NIBAN1: variants seen among roughly 807,000 people sequenced by gnomAD.
NIBAN1 encodes protein Niban 1.
A neutral mutation model predicts 75.1 loss-of-function variants in NIBAN1; 81 were observed. The ratio of observed to expected loss-of-function variants is 1.08; its 90% confidence interval spans 0.90 to 1.30. The LOEUF (loss-of-function observed/expected upper bound fraction) is 1.30. Among genes scored for constraint, NIBAN1 ranks in the 50% most tolerant of loss-of-function variants. The probability of loss-of-function intolerance (pLI) is 0.00; values close to 1 mark genes in which losing one functional copy is unlikely to be tolerated. For missense variants in NIBAN1, 1,133 were observed against 1,128.1 expected (o/e 1.00, Z -0.06); for synonymous variants, 436 against 424.8 (o/e 1.03, Z -0.32).
intron 1 of NIBAN1, among the ~76,000 whole-genome samples, chr1:184,947,085 A>G (rs1658245488): frequency 6.7e-6 from 1 of 149,512 alleles, no homozygotes; most frequent in African/African-American, 2.5e-5. Context: ...AAAAGAAAAG[A>G]AAAGAAAAGA....
intron 1 of NIBAN1, among the ~76,000 whole-genome samples, chr1:184,930,994 CTTCTTTTTTT>C (rs1327623743): frequency 1.7e-5 from 1 of 57,274 alleles, no homozygotes; most frequent in Admixed American, 1.5e-4. Context: ...ACTTTTTCTT[CTTCTTTTTTT>C]TTTTTTTTTT....
rs181770179 is a variant in NIBAN1, at chr1:184,815,280, C to T, written c.1173+3358G>A. On this transcript the variant is annotated intron_variant, in intron 9 of 13. Transcript: ENST00000367511. ...TTTTTATGGTTCACTGAGGACAATC[C>T]CTTCATAATCTAGAACCTGAAGATT... Among the ~76,000 whole-genome samples, 4 of 152,254 alleles carry T rather than the reference C, an allele frequency of 2.6e-5. No homozygotes were observed. The East Asian group carries it at 7.7e-4, about 29-fold the overall frequency.
Position 184,791,906 on chromosome 1 carries a change from T to C in NIBAN1, c.*3071A>G, listed in dbSNP as rs1653706173. ...AAGACAGAGTATTTTAAATGCACTC[T>C]AGTTTCCTGTTCCATCTTCAAATTA... On this transcript the variant is annotated 3_prime_UTR_variant, in exon 14 of 14. Transcript: ENST00000367511. 1 of 152,194 alleles carries C rather than the reference T, an allele frequency of 6.6e-6. No individual in the cohort carries two copies. The highest frequency in any genetic ancestry group is 2.4e-5 in the African/African-American group (1 of 41,454). The allele number at this position is 152,194 out of a possible 1,614,324, so 9.4% of individuals were successfully genotyped here.
intron 5 of NIBAN1, among the ~76,000 whole-genome samples, chr1:184,876,047 C>T (rs1459981717): frequency 6.6e-6 from 1 of 151,940 alleles, no homozygotes; most frequent in Non-Finnish European, 1.5e-5. Flanking sequence ...GTGGCGCATG[C>T]CTGTAATCCC....
Position 184,795,796 on chromosome 1 carries a change from A to G in NIBAN1, c.1968T>C (p.Ile656=), listed in dbSNP as rs764126157. ...SPPPDGTEQV[I]ISRVDDPVVN... is the part of the protein sequence containing the mutation. The stretch of plus-strand genomic sequence containing the variant: ...CCACGGGGTCATCCACTCTTGAAAT[A>G]ATCACCTGCTCAGTCCCATCTGGGG... Residue 656 remains isoleucine (I), a synonymous_variant, in exon 14 of 14, where the codon ATT becomes ATC. Coordinates refer to ENST00000367511, the MANE Select transcript of NIBAN1 (RefSeq NM_052966.4). 5 of 1,610,868 alleles carry G rather than the reference A, an allele frequency of 3.1e-6. No homozygotes were observed. The Admixed American group carries it at 6.7e-5, about 22-fold the overall frequency.
At chr1:184,884,543 A>G in intron 5 of NIBAN1, 90 bp downstream of exon 5, 1 of 1,526,498 alleles carries the variant, frequency 6.6e-7, no homozygotes, top group Non-Finnish European at 8.9e-7. Flanking sequence ...GCTCTTTCTA[A>G]GAATCACTGC....
Position 184,808,158 on chromosome 1 carries a change from G to T in NIBAN1, c.1251C>A (p.His417Gln). The T allele has an allele frequency of 1.2e-6, 2 of 1,614,064 alleles. No individual in the cohort carries two copies. The highest frequency in any genetic ancestry group is 1.7e-6 in the Non-Finnish European group (2 of 1,179,976). Residue 417 changes from histidine (H) to glutamine (Q), a missense_variant, in exon 10 of 14, where the codon CAC becomes CAA. Transcript: ENST00000367511. ...EPCYTKVNLLHERLQDLKSRF... is the reference protein window; with the variant it reads ...EPCYTKVNLLQERLQDLKSRF... Reference sequence around the variant, plus strand: ...GGCTCTTGAGATCCTGCAGGCGCTCGTGAAGCAGGTTGACTTTAGTATAAC... The same window carrying T: ...GGCTCTTGAGATCCTGCAGGCGCTCTTGAAGCAGGTTGACTTTAGTATAAC...
intron 1 of NIBAN1, among the ~76,000 whole-genome samples, chr1:184,973,732 G>T (rs1658995159): frequency 6.6e-6 from 1 of 152,146 alleles, no homozygotes; most frequent in South Asian, 2.1e-4. Context: ...CTTTTGCTTC[G>T]CCCCTCTCCG....
intron 8 of NIBAN1, among the ~76,000 whole-genome samples, chr1:184,821,228 A>G (rs551613774): frequency 1.1e-4 from 16 of 152,342 alleles, no homozygotes; most frequent in African/African-American, 3.4e-4. Flanking sequence ...CAGCAGAACT[A>G]AAGCTCAGGG....
intron 5 of NIBAN1, among the ~76,000 whole-genome samples, chr1:184,880,508 A>C (rs1656349671): frequency 1.3e-5 from 2 of 152,284 alleles, no homozygotes; most frequent in South Asian, 4.1e-4. Flanking sequence ...CTCCTCTCTA[A>C]GCACCAGTCA....
At chr1:184,921,018 A>G (rs961198516) in intron 1 of NIBAN1, among the ~76,000 whole-genome samples, 1 of 151,736 alleles carries the variant, frequency 6.6e-6, no homozygotes, top group African/African-American at 2.4e-5. Flanking sequence ...AGTCCCAGCT[A>G]CTCAGGAGGC....
chr1:184,922,601 T>A (rs1657587175), intron 1 of NIBAN1, among the ~76,000 whole-genome samples: 1 of 151,722 alleles, frequency 6.6e-6, no homozygotes, highest in Non-Finnish European at 1.5e-5. Flanking sequence ...TTTTTTTGTT[T>A]TTGTTTGTTT....
chr1:184,868,577 A>G (rs1656017737), intron 5 of NIBAN1: 1 of 152,218 alleles, frequency 6.6e-6, no homozygotes. Context: ...AAGCAGAGAA[A>G]AGACTTAACT....
rs536344692 is a variant in NIBAN1, at chr1:184,935,170, T to C, written c.56-35861A>G. 3.3e-5 allele frequency among the ~76,000 whole-genome samples: 5 copies of C among 152,218 alleles called. No homozygotes were observed. In the South Asian group the frequency reaches 6.2e-4, roughly 19 times the overall value. ...CAAATGTCACATACTACAGCTGTCA[T>C]ACAATCAAAGCTTCTGTCTGTGAGG... On this transcript the variant is annotated intron_variant, in intron 1 of 13. Transcript: ENST00000367511.
At chr1:184,940,053 C>T (rs1658050447) in intron 1 of NIBAN1, among the ~76,000 whole-genome samples, 1 of 152,158 alleles carries the variant, frequency 6.6e-6, no homozygotes, top group African/African-American at 2.4e-5. Flanking sequence ...TAGACTGTTT[C>T]TGGGATGAGA....
At chr1:184,892,935 C>G (rs181690059) in intron 3 of NIBAN1, among the ~76,000 whole-genome samples, 5 of 152,196 alleles carry the variant, frequency 3.3e-5, no homozygotes, top group African/African-American at 9.6e-5. Flanking sequence ...GCATGCCCAG[C>G]TAATTTTTGT....
intron 6 of NIBAN1, among the ~76,000 whole-genome samples, chr1:184,826,950 G>A (rs764073186): frequency 6.6e-6 from 1 of 152,088 alleles, no homozygotes; most frequent in Non-Finnish European, 1.5e-5. Context: ...TGGGGGACCT[G>A]GTGGGAGATA....
chr1:184,840,335 G>T lies in NIBAN1; in HGVS notation c.602-8373C>A, dbSNP rs138119816. Among the ~76,000 whole-genome samples, 3 of 152,136 alleles carry T rather than the reference G, an allele frequency of 2.0e-5. No individual in the cohort carries two copies. The South Asian group carries it at 6.2e-4, about 32-fold the overall frequency. On this transcript the variant is annotated intron_variant, in intron 5 of 13. Coordinates refer to ENST00000367511, the MANE Select transcript of NIBAN1 (RefSeq NM_052966.4). ...CTGACCAAATCATATCTGTATTAGTGGACACAGCCCTATCAGAAGGAGAGG... is the reference window on the plus strand; with the variant it reads ...CTGACCAAATCATATCTGTATTAGTTGACACAGCCCTATCAGAAGGAGAGG...
chr1:184,795,644 C>A lies in NIBAN1; in HGVS notation c.2120G>T (p.Gly707Val). ...CAACTTTCTGAGCGCCTTCAAAGAA[C>A]CCGAGGCAGTGATGGGTTCTGGCTC... ...QEEPEPITAS[G>V]SLKALRKLLT... The change falls in exon 14 of 14, where the codon GGT (glycine) becomes GTT (valine). Residue 707 changes from glycine (G) to valine (V), a missense_variant. By Grantham distance (109) the Gly-to-Val change is moderately radical. Coordinates refer to ENST00000367511, the MANE Select transcript of NIBAN1 (RefSeq NM_052966.4). 6.2e-7 allele frequency: 1 copy of A among 1,614,212 alleles called. No individual in the cohort carries two copies. The highest frequency in any genetic ancestry group is 8.5e-7 in the Non-Finnish European group (1 of 1,180,042).
Sources: allele counts gnomAD v4.1 joint callset (sites outside exome capture counted in the v4.1 genomes callset), GRCh38; gene constraint gnomAD v4.1.1; transcripts MANE v1.5; gene names NCBI Gene and HGNC (gene_info 2026-07-23, HGNC 2026-07-21).